Variants in TENM3 observed in about 807,000 individuals in gnomAD.
TENM3 encodes the protein teneurin-3.
In TENM3, 63 loss-of-function variants were observed where a neutral mutation model predicts 255.1. The observed-to-expected ratio is 0.25, with a 90% confidence interval of 0.20 to 0.30. TENM3 has a LOEUF of 0.30. Among genes scored for constraint, TENM3 ranks in the 10% least tolerant of loss-of-function variants. The pLI, the probability that TENM3 is intolerant of heterozygous loss-of-function variation, is 1.00. For missense variants in TENM3, 2,929 were observed against 3,461.1 expected (o/e 0.85, Z 3.86); for synonymous variants, 1,306 against 1,322.3 (o/e 0.99, Z 0.27).
chr4:182,291,009 T>C (rs1206314940), intron 1 of TENM3, among the ~76,000 whole-genome samples: 1 of 151,812 alleles, frequency 6.6e-6, no homozygotes. Context: ...TTAGTAGAGA[T>C]GGGGTTTCAC....
At chr4:182,081,603 AAAG>A in the TENM3 span, among the ~76,000 whole-genome samples, 872 of 147,732 alleles carry the variant, frequency 5.9e-3, 18 homozygotes, top group African/African-American at 0.021. Context: ...AAAAAAAAAA[AAAG>A]AAGAAGAAGA....
intron 3 of TENM3, among the ~76,000 whole-genome samples, chr4:182,505,045 G>A (rs1736680446): frequency 1.3e-5 from 2 of 151,976 alleles, no homozygotes; most frequent in Admixed American, 6.6e-5. Context: ...ATACTTATTT[G>A]CTGACAAACT....
At position 182,643,832 on chromosome 4, in the gene TENM3, A is replaced by G. The variant is rs562264644; in HGVS notation, c.989-9939A>G. Among the ~76,000 whole-genome samples, 48 of 152,338 alleles carry G rather than the reference A, an allele frequency of 3.2e-4. 1 individual carries two copies. The South Asian group carries it at 9.5e-3, about 30-fold the overall frequency. On this transcript the variant is annotated intron_variant, in intron 5 of 27. Transcript: ENST00000511685. ...GTGAATTGCAAGAAAGGGAAACTCT[A>G]CATCCTTGCTTGCTTTGATGAAGTT...
chr4:182,505,747 C>T (rs1370518118), intron 3 of TENM3, among the ~76,000 whole-genome samples: 3 of 152,178 alleles, frequency 2.0e-5, no homozygotes, highest in Non-Finnish European at 2.9e-5. Flanking sequence ...TGAGCCACCA[C>T]ACCCGGCCTG....
At chr4:181,495,160 T>C in the TENM3 span, among the ~76,000 whole-genome samples, 4 of 152,154 alleles carry the variant, frequency 2.6e-5, no homozygotes, top group Non-Finnish European at 5.9e-5. Context: ...AACAGGTTCT[T>C]AGTGAGTAGG....
chr4:181,949,126 C>T, the TENM3 span, among the ~76,000 whole-genome samples: 1 of 152,110 alleles, frequency 6.6e-6, no homozygotes, highest in Non-Finnish European at 1.5e-5. Flanking sequence ...AACCTTAACT[C>T]ATGTAAAAGA....
intron 3 of TENM3, among the ~76,000 whole-genome samples, chr4:182,491,013 C>G (rs900483979): frequency 1.3e-5 from 2 of 152,182 alleles, no homozygotes; most frequent in African/African-American, 4.8e-5. Context: ...TCTACTATTT[C>G]AGAACACTGT....
At chr4:182,574,812 C>T (rs181196226) in intron 3 of TENM3, among the ~76,000 whole-genome samples, 2 of 152,054 alleles carry the variant, frequency 1.3e-5, no homozygotes, top group Admixed American at 6.5e-5. Flanking sequence ...AATGCAATTG[C>T]GGATGGTTTG....
chr4:181,934,811 G>C, the TENM3 span, among the ~76,000 whole-genome samples: 1 of 151,932 alleles, frequency 6.6e-6, no homozygotes, highest in African/African-American at 2.4e-5. Flanking sequence ...AGAAAAGAAG[G>C]GACTAAATTT....
At chr4:182,653,691 C>T in intron 5 of TENM3, 80 bp from the exon 6 acceptor site, 1 of 1,444,450 alleles carries the variant, frequency 6.9e-7, no homozygotes, top group African/African-American at 1.4e-5. Context: ...ACATATGACT[C>T]TTGTTTTAAA....
chr4:181,513,819 A>G, the TENM3 span, among the ~76,000 whole-genome samples: 1 of 152,168 alleles, frequency 6.6e-6, no homozygotes. Context: ...CATACCGTTT[A>G]AACACATCCT....
chr4:181,698,788 C>T, the TENM3 span, among the ~76,000 whole-genome samples: 1 of 152,128 alleles, frequency 6.6e-6, no homozygotes, highest in Non-Finnish European at 1.5e-5. Flanking sequence ...CTATATATTA[C>T]TATTTGTCAT....
At chr4:182,724,721 C>T (rs1760028876) in intron 13 of TENM3, among the ~76,000 whole-genome samples, 1 of 152,174 alleles carries the variant, frequency 6.6e-6, no homozygotes, top group South Asian at 2.1e-4. Context: ...AAGACACTGG[C>T]AGCATTATGG....
chr4:182,082,197 C>T, the TENM3 span, among the ~76,000 whole-genome samples: 1 of 152,172 alleles, frequency 6.6e-6, no homozygotes, highest in Non-Finnish European at 1.5e-5. Context: ...GCAGATTCAG[C>T]TTCTGGTGAG....
chr4:182,577,757 A>G (rs768500424), intron 3 of TENM3, among the ~76,000 whole-genome samples: 36 of 152,300 alleles, frequency 2.4e-4, no homozygotes, highest in Non-Finnish European at 2.6e-4. Flanking sequence ...CATAGGTAAT[A>G]GTACTTATTT....
rs568392787 is a variant in TENM3 at position 182,764,286 on chromosome 4, A to G, written c.4892+9027A>G. 3.0e-3 allele frequency among the ~76,000 whole-genome samples: 460 copies of G among 152,356 alleles called. 4 individuals are homozygous for G. The highest frequency in any genetic ancestry group is 0.02 in the Middle Eastern group (6 of 294). On this transcript the variant is annotated intron_variant, in intron 22 of 27. Coordinates refer to ENST00000511685, the MANE Select transcript of TENM3 (RefSeq NM_001080477.4). ...CATTCATTCATTCACTCATGTGCTC[A>G]TTCATTCAGTAAGAATTTATTATGT...
the TENM3 span, among the ~76,000 whole-genome samples, chr4:181,929,937 T>A: frequency 1.3e-5 from 2 of 152,060 alleles, no homozygotes; most frequent in Non-Finnish European, 2.9e-5. Context: ...ACTGGGTAAA[T>A]AACAAAATTA....
chr4:182,549,663 T>A (rs1230121735), intron 3 of TENM3, among the ~76,000 whole-genome samples: 1 of 152,208 alleles, frequency 6.6e-6, no homozygotes, highest in Non-Finnish European at 1.5e-5. Context: ...CTTAATTTTC[T>A]CCACCTTTGA....
At chr4:182,755,631 G>A (rs892667114) in intron 22 of TENM3, among the ~76,000 whole-genome samples, 13 of 152,134 alleles carry the variant, frequency 8.5e-5, no homozygotes, top group Non-Finnish European at 1.8e-4. Context: ...GAGGTCAGAA[G>A]ATCGAGACCA....
Sources: allele counts gnomAD v4.1 joint callset (sites outside exome capture counted in the v4.1 genomes callset), GRCh38; gene constraint gnomAD v4.1.1; transcripts MANE v1.5; gene names NCBI Gene and HGNC (gene_info 2026-07-23, HGNC 2026-07-21).